The following SLC9D1 variants were observed in gnomAD, a reference collection of about 807,000 sequenced individuals.
SLC9D1 encodes putative LAG1-interacting protein.
the SLC9D1 span, among the ~76,000 whole-genome samples, chr13:113,508,547 C>G: frequency 6.6e-6 from 1 of 152,220 alleles, no homozygotes; most frequent in Non-Finnish European, 1.5e-5. Flanking sequence ...GGGACCGACC[C>G]TTCCCCTCCT....
At chr13:113,547,075 G>C in the SLC9D1 span, 1 of 538,536 alleles carries the variant, frequency 1.9e-6, no homozygotes, top group Non-Finnish European at 3.4e-6. Context: ...AGTGGAGCTG[G>C]GATCCCACCA....
chr13:113,531,325 A>G, the SLC9D1 span, among the ~76,000 whole-genome samples: 40 of 152,244 alleles, frequency 2.6e-4, no homozygotes, highest in Admixed American at 8.5e-4. Flanking sequence ...AAGCTTGTCC[A>G]CTCACCTGTC....
chr13:113,513,889 C>A, the SLC9D1 span, among the ~76,000 whole-genome samples: 3 of 152,246 alleles, frequency 2.0e-5, no homozygotes, highest in Admixed American at 6.5e-5. Flanking sequence ...GAGTCCCCCG[C>A]CAGCTCTCAA....
chr13:113,547,326 G>C, the SLC9D1 span: 1 of 1,614,224 alleles, frequency 6.2e-7, no homozygotes, highest in Non-Finnish European at 8.5e-7. Flanking sequence ...CACGTTTGTG[G>C]CGTACGAGCT....
the SLC9D1 span, chr13:113,503,959 A>G: frequency 5.8e-6 from 1 of 172,392 alleles, no homozygotes; most frequent in Non-Finnish European, 1.2e-5. Context: ...ATTGGAAGTG[A>G]GTTAATTAAA....
At chr13:113,510,167 G>A in the SLC9D1 span, 101 of 1,379,128 alleles carry the variant, frequency 7.3e-5, no homozygotes, top group African/African-American at 1.1e-4. Context: ...GCAGAAATGC[G>A]TGAAGTCTGT....
the SLC9D1 span, chr13:113,520,525 G>T: frequency 5.4e-6 from 4 of 744,470 alleles, no homozygotes; most frequent in Non-Finnish European, 8.6e-6. Context: ...AATAATTTGA[G>T]TTATTTTGGA....
chr13:113,507,191 C>G, the SLC9D1 span, among the ~76,000 whole-genome samples: 1 of 152,134 alleles, frequency 6.6e-6, no homozygotes, highest in Non-Finnish European at 1.5e-5. Flanking sequence ...GTGCTGCTGT[C>G]CCCGGAGGGA....
chr13:113,520,021 G>T, the SLC9D1 span, among the ~76,000 whole-genome samples: 10 of 152,206 alleles, frequency 6.6e-5, no homozygotes, highest in Non-Finnish European at 1.5e-4. Flanking sequence ...GATTATCCAA[G>T]CCTGTCATCT....
chr13:113,529,522 T>G, the SLC9D1 span: 3 of 152,180 alleles, frequency 2.0e-5, no homozygotes, highest in African/African-American at 2.4e-5. Flanking sequence ...TGGTGGCACG[T>G]GCCTGTATTC....
the SLC9D1 span, chr13:113,530,196 G>A: frequency 6.6e-6 from 1 of 152,224 alleles, no homozygotes; most frequent in Non-Finnish European, 1.5e-5. Flanking sequence ...CTGGTTGCCG[G>A]AGGGTGGGGA....
the SLC9D1 span, among the ~76,000 whole-genome samples, chr13:113,492,677 C>T: frequency 6.6e-6 from 1 of 152,176 alleles, no homozygotes; most frequent in East Asian, 1.9e-4. Context: ...GTGGGTGGAT[C>T]ACCTGAGGTC....
chr13:113,547,462 CA>C, the SLC9D1 span: 1 of 1,145,342 alleles, frequency 8.7e-7, no homozygotes, highest in Non-Finnish European at 1.3e-6. Flanking sequence ...CAGTGGGGCC[CA>C]CATCGGGCCT....
At chr13:113,544,735 G>A in the SLC9D1 span, among the ~76,000 whole-genome samples, 1 of 152,212 alleles carries the variant, frequency 6.6e-6, no homozygotes, top group Non-Finnish European at 1.5e-5. Context: ...AGCCGCCATG[G>A]CCTGCGCGGA....
the SLC9D1 span, among the ~76,000 whole-genome samples, chr13:113,538,872 G>A: frequency 7.2e-5 from 11 of 152,252 alleles, no homozygotes; most frequent in Non-Finnish European, 1.5e-4. Context: ...TGATGTGGCT[G>A]CAAACCTGGG....
the SLC9D1 span, among the ~76,000 whole-genome samples, chr13:113,510,579 T>A: frequency 1.3e-5 from 2 of 152,236 alleles, no homozygotes; most frequent in African/African-American, 4.8e-5. Flanking sequence ...GCTTACATTC[T>A]GCAAGGAAAT....
the SLC9D1 span, chr13:113,495,393 ATG>A: frequency 2.0e-6 from 1 of 511,870 alleles, no homozygotes; most frequent in Non-Finnish European, 3.4e-6. Context: ...TCTAGGAAAA[ATG>A]AGAATTTCTT....
chr13:113,513,560 T>G, the SLC9D1 span, among the ~76,000 whole-genome samples: 1 of 152,084 alleles, frequency 6.6e-6, no homozygotes, highest in African/African-American at 2.4e-5. Flanking sequence ...GAAAGGAAAT[T>G]TACAGTTAGA....
At chr13:113,542,798 C>T in the SLC9D1 span, among the ~76,000 whole-genome samples, 31 of 152,182 alleles carry the variant, frequency 2.0e-4, no homozygotes, top group African/African-American at 6.7e-4. Context: ...CTCAACCAAA[C>T]GGAAAATTCA....
Sources: gnomAD v4.1 joint callset for allele counts (sites outside exome capture counted in the v4.1 genomes callset) on GRCh38, gnomAD v4.1.1 for gene constraint, MANE v1.5 for transcripts, NCBI Gene and HGNC (gene_info 2026-07-23, HGNC 2026-07-21) for gene names.